Variants in MSH4 observed in about 807,000 individuals in gnomAD.
MSH4 encodes the protein mutS protein homolog 4.
Under a neutral mutation model 113.7 loss-of-function variants are expected in MSH4, and 106 were observed. That is an observed-to-expected ratio of 0.93 (90% confidence interval 0.80 to 1.10). MSH4 has a LOEUF of 1.10. Among genes scored for constraint, MSH4 ranks in the 50% least tolerant of loss-of-function variants. The pLI is 0.00. For synonymous variants in MSH4, 368 were observed against 380.2 expected, an observed-to-expected ratio of 0.97 and a Z score of 0.37; for missense variants, 1,061 against 1,093.7, an observed-to-expected ratio of 0.97 and a Z score of 0.42.
At chr1:75,817,807 T>G (rs974190438) in intron 6 of MSH4, among the ~76,000 whole-genome samples, 1 of 147,652 alleles carries the variant, frequency 6.8e-6, no homozygotes, top group African/African-American at 2.5e-5. Context: ...AAAAAAAAAA[T>G]GTACATGTGA....
At chr1:75,807,647 AT>A (rs1650097697) in intron 3 of MSH4, among the ~76,000 whole-genome samples, 1 of 152,200 alleles carries the variant, frequency 6.6e-6, no homozygotes, top group Non-Finnish European at 1.5e-5. Flanking sequence ...TTATTATTTT[AT>A]TTGGAAATTA....
chr1:75,888,383 G>C (rs1460222286), intron 15 of MSH4, among the ~76,000 whole-genome samples: 1 of 151,668 alleles, frequency 6.6e-6, no homozygotes, highest in Non-Finnish European at 1.5e-5. Flanking sequence ...AGATTGATTT[G>C]TTTTCAAAAA....
chr1:75,889,209 T>G (rs1215802870), intron 15 of MSH4, 42 bp from the exon 16 acceptor site: 2 of 928,536 alleles, frequency 2.2e-6, no homozygotes, highest in East Asian at 5.0e-5. Flanking sequence ...TAATTATATT[T>G]TATAAACACA....
Position 75,846,640 on chromosome 1 carries a change from A to G in MSH4, c.1163-1569A>G, listed in dbSNP as rs2100544947. On this transcript the variant is annotated intron_variant, in intron 7 of 19. Transcript: ENST00000263187. ...CTCATCAGAATGGCCTTTACTTTCC[A>G]TATTTCTACCAATGTTCTGATCATG... 1.3e-5 allele frequency among the ~76,000 whole-genome samples: 2 copies of G among 152,296 alleles called. 1 individual carries two copies. The highest frequency in any genetic ancestry group is 4.1e-4 in the South Asian group (2 of 4,826).
chr1:75,803,139 C>G (rs1273960908), intron 1 of MSH4, among the ~76,000 whole-genome samples: 2 of 152,080 alleles, frequency 1.3e-5, no homozygotes, highest in Non-Finnish European at 2.9e-5. Flanking sequence ...ATATTCATAC[C>G]TTAGCAACAC....
At chr1:75,816,648 T>A in intron 6 of MSH4, 102 bp downstream of exon 6, 2 of 668,148 alleles carry the variant, frequency 3.0e-6, no homozygotes, top group Non-Finnish European at 4.4e-6. Flanking sequence ...AATTTTGAGA[T>A]GGAGTTTTGC....
At chr1:75,809,101 C>T (rs1650131934) in intron 3 of MSH4, among the ~76,000 whole-genome samples, 1 of 152,024 alleles carries the variant, frequency 6.6e-6, no homozygotes, top group South Asian at 2.1e-4. Context: ...GGGTCTTGCT[C>T]TGTTACCCAA....
chr1:75,909,600 C>T (rs926383453), intron 19 of MSH4, among the ~76,000 whole-genome samples: 5 of 151,836 alleles, frequency 3.3e-5, no homozygotes, highest in African/African-American at 9.7e-5. Context: ...TTTTAAGTCC[C>T]GCATGCATTA....
At chr1:75,806,613 G>A (rs1144330) in intron 2 of MSH4, among the ~76,000 whole-genome samples, 5,601 of 152,074 alleles carry the variant, frequency 0.037, 349 homozygotes, top group African/African-American at 0.13. Flanking sequence ...CTAGCTGTGT[G>A]CCAATATCAC....
chr1:75,885,832 G>T (rs536438157), intron 15 of MSH4, among the ~76,000 whole-genome samples: 8 of 124,204 alleles, frequency 6.4e-5, no homozygotes, highest in Non-Finnish European at 9.5e-5. Flanking sequence ...TATATGTAAT[G>T]TATTATATAT....
rs1652824940 is a variant in MSH4, at chr1:75,913,137, A to C, written c.*250A>C. The C allele has an allele frequency of 5.0e-6, 1 of 201,150 alleles. No homozygotes were observed. Among genetic ancestry groups the C allele is most frequent in the African/African-American group, 2.3e-5 (1 of 43,312 alleles). 12.5% of individuals were successfully genotyped at this position (201,150 alleles called of 1,614,324 possible). A position where few individuals can be genotyped will look rare whatever the true frequency, so the allele number is the denominator to read the frequency against. ...AATACACCACTTTTTTCTCACAAAA[A>C]TTCACATTATTAAGACCTAAGTTCA... On this transcript the variant is annotated 3_prime_UTR_variant, in exon 20 of 20. Coordinates refer to ENST00000263187, the MANE Select transcript of MSH4 (RefSeq NM_002440.4).
chr1:75,910,510 C>A (rs1351038331), intron 19 of MSH4, among the ~76,000 whole-genome samples: 4 of 151,888 alleles, frequency 2.6e-5, no homozygotes, highest in African/African-American at 7.2e-5. Context: ...TGGGCTCAAG[C>A]ATTCCACCCG....
At position 75,882,364 on chromosome 1, in the gene MSH4, T is replaced by G. The variant is rs531443190; in HGVS notation, c.1906+994T>G. On this transcript the variant is annotated intron_variant, in intron 14 of 19. Coordinates refer to ENST00000263187, the MANE Select transcript of MSH4 (RefSeq NM_002440.4). ...CTTTTATGATGAATGTTTTCAAGTTTATGCATTTTAGATAAAGGTATGGAA... is the reference window on the plus strand; with the variant it reads ...CTTTTATGATGAATGTTTTCAAGTTGATGCATTTTAGATAAAGGTATGGAA... Among the ~76,000 whole-genome samples the G allele has an allele frequency of 7.2e-5, 11 of 152,192 alleles. No homozygotes were observed. In the East Asian group the frequency reaches 2.1e-3, roughly 29 times the overall value.
intron 11 of MSH4, 35 bp from the exon 12 acceptor site, chr1:75,878,957 G>GTTTTGT (rs778679172): frequency 5.1e-5 from 80 of 1,564,930 alleles, no homozygotes; most frequent in Non-Finnish European, 6.9e-5. Flanking sequence ...TATTCATTTT[G>GTTTTGT]TTTTGTTTTT....
chr1:75,857,713 A>G (rs997461427), intron 8 of MSH4, among the ~76,000 whole-genome samples: 1 of 151,730 alleles, frequency 6.6e-6, no homozygotes, highest in African/African-American at 2.4e-5. Context: ...GCTTGAAGTC[A>G]GGTACCGTGA....
intron 7 of MSH4, among the ~76,000 whole-genome samples, chr1:75,836,184 A>G (rs1265278886): frequency 3.9e-5 from 6 of 152,180 alleles, no homozygotes; most frequent in African/African-American, 1.2e-4. Flanking sequence ...GTTACCTTCC[A>G]CACAACTTTG....
chr1:75,814,149 C>G (rs1458539269), intron 4 of MSH4, among the ~76,000 whole-genome samples: 1 of 151,922 alleles, frequency 6.6e-6, no homozygotes, highest in Non-Finnish European at 1.5e-5. Flanking sequence ...CAACTTGATG[C>G]TTTTTAAAAG....
At chr1:75,806,928 AAG>A (rs1443644580) in intron 2 of MSH4, 51 bp from the exon 3 acceptor site, 2 of 1,452,632 alleles carry the variant, frequency 1.4e-6, no homozygotes, top group African/African-American at 3.0e-5. Flanking sequence ...TTTTTAAAAA[AAG>A]AAATGATTAT....
chr1:75,801,284 G>A (rs1286657604), intron 1 of MSH4, among the ~76,000 whole-genome samples: 1 of 152,134 alleles, frequency 6.6e-6, no homozygotes, highest in Admixed American at 6.6e-5. Flanking sequence ...AAGTTTATGG[G>A]CTGGGCATGA....
Sources: gnomAD v4.1 joint callset for allele counts (sites outside exome capture counted in the v4.1 genomes callset) on GRCh38, gnomAD v4.1.1 for gene constraint, MANE v1.5 for transcripts, NCBI Gene and HGNC (gene_info 2026-07-23, HGNC 2026-07-21) for gene names.